The following TTN variants were observed in gnomAD, a reference collection of about 807,000 sequenced individuals.
TTN encodes the protein connectin.
A neutral mutation model predicts 3,223.0 loss-of-function variants in TTN; 1,525 were observed. The observed-to-expected ratio is 0.47, with a 90% CI of 0.45 to 0.49. TTN has a LOEUF of 0.49. Ranked by LOEUF, TTN falls within the 20% of genes least tolerant of loss-of-function variation. The pLI, the probability that TTN is intolerant of heterozygous loss-of-function variation, is 0.00. For synonymous variants in TTN, 14,094 were observed against 15,161.0 expected (o/e 0.93, Z 5.17); for missense variants, 40,786 against 43,424.0 (o/e 0.94, Z 5.40).
chr2:178,734,584 A>T lies in TTN; in HGVS notation c.15240T>A (p.Thr5080=). 1.3e-6 allele frequency: 2 copies of T among 1,574,444 alleles called. No individual in the cohort carries two copies. Among genetic ancestry groups the T allele is most frequent in the Non-Finnish European group, 1.7e-6 (2 of 1,160,522 alleles). Residue 5080 remains threonine, a synonymous_variant, in exon 52 of 363, where the codon ACT becomes ACA. Transcript: ENST00000589042. ...CTCTCACTATGTCTGCAGGCTCAAG[A>T]GTTTTGATGAAAGAAGGAGGTTCTA... ...VIKEPPSFIK[T]LEPADIVRGT...
intron 279 of TTN, 49 bp downstream of exon 279, chr2:178,605,365 G>A: frequency 6.5e-7 from 1 of 1,538,584 alleles, no homozygotes; most frequent in Non-Finnish European, 8.7e-7. Flanking sequence ...ATGGGATAAA[G>A]GCACACTGTA....
chr2:178,633,370 G>T (rs1449807354), intron 232 of TTN, 43 bp downstream of exon 232: 4 of 1,612,976 alleles, frequency 2.5e-6, no homozygotes, highest in Non-Finnish European at 3.4e-6. Context: ...CTAATAAACT[G>T]CAGATTCAGA....
At chr2:178,693,379 G>T (rs1327445777) in intron 119 of TTN, among the ~76,000 whole-genome samples, 1 of 152,042 alleles carries the variant, frequency 6.6e-6, no homozygotes, top group African/African-American at 2.4e-5. Flanking sequence ...CAGGTTACGA[G>T]ATTGCAAACT....
At position 178,712,015 on chromosome 2, in the gene TTN, C is replaced by G. The variant is rs763783812; in HGVS notation, c.27815G>C (p.Ser9272Thr). The change falls in exon 96 of 363, where the codon AGT becomes ACT. Residue 9272 changes from serine to threonine, a missense_variant. Coordinates refer to ENST00000589042, the MANE Select transcript of TTN (RefSeq NM_001267550.2). The part of the protein sequence containing the change: ...LVFNQVDIND[S>T]GEYICKAENS... ...TTCAGCTTTGCAGATATATTCTCCA[C>G]TATCATTAATATCAACCTGGTTGAA... 1.3e-5 allele frequency: 21 copies of G among 1,613,744 alleles called. No individual in the cohort carries two copies. In the South Asian group the frequency reaches 1.9e-4, roughly 14 times the overall value.
Position 178,697,413 on chromosome 2 carries a change from T to C in TTN, c.30755-245A>G, listed in dbSNP as rs6755456. Among the ~76,000 whole-genome samples the C allele has an allele frequency of 0.16, 24,080 of 152,138 alleles. 2,417 individuals carry two copies. Among genetic ancestry groups the C allele is most frequent in the East Asian group, 0.44 (2,280 of 5,168 alleles). Reference sequence around the variant, plus strand: ...GGCCAAAGTTTGATTCTAGTTTAGATTGATTTAAGATCATTTAAATTGGTT... The same window carrying C: ...GGCCAAAGTTTGATTCTAGTTTAGACTGATTTAAGATCATTTAAATTGGTT... On this transcript the variant is annotated intron_variant, in intron 112 of 362. Transcript: ENST00000589042.
chr2:178,738,285 A>G lies in TTN; in HGVS notation c.14168T>C (p.Ile4723Thr). The G allele has an allele frequency of 6.2e-7, 1 of 1,613,570 alleles. No individual in the cohort carries two copies. Among genetic ancestry groups the G allele is most frequent in the Non-Finnish European group, 8.5e-7 (1 of 1,179,706 alleles). Residue 4723 changes from isoleucine to threonine, a missense_variant, in exon 49 of 363, where the codon ATC becomes ACC. Transcript: ENST00000589042. ...GAACCGGACATTGGGAGCACTTTGGATCTCACAGGTGAATTTGGCTAGGTG... is the reference window on the plus strand; with the variant it reads ...GAACCGGACATTGGGAGCACTTTGGGTCTCACAGGTGAATTTGGCTAGGTG... ...LGHLAKFTCEIQSAPNVRFQW... is the reference protein window; with the variant it reads ...LGHLAKFTCETQSAPNVRFQW...
chr2:178,551,915 C>T lies in TTN; in HGVS notation c.90985G>A (p.Gly30329Arg), dbSNP rs1178018014. Residue 30329 changes from glycine to arginine, a missense_variant, in exon 335 of 363, where the codon GGA becomes AGA. Coordinates refer to ENST00000589042, the MANE Select transcript of TTN (RefSeq NM_001267550.2). ...GTCACATTGTATATAACTGGCTTTC[C>T]TGGGGGACCAGGAATCCTGAACTGG... ...KHQFRIPGPP[G>R]KPVIYNVTSD... 1.9e-6 allele frequency: 3 copies of T among 1,613,738 alleles called. No homozygotes were observed. The highest frequency in any genetic ancestry group is 8.5e-7 in the Non-Finnish European group (1 of 1,179,708).
chr2:178,634,772 G>C lies in TTN; in HGVS notation c.42102C>G (p.Val14034=), dbSNP rs1308362920. 6.2e-7 allele frequency: 1 copy of C among 1,613,218 alleles called. No individual in the cohort carries two copies. The highest frequency in any genetic ancestry group is 1.3e-5 in the African/African-American group (1 of 74,972). The change falls in exon 229 of 363, where the codon GTC becomes GTG. Residue 14034 remains valine (V), a synonymous_variant. Coordinates refer to ENST00000589042, the MANE Select transcript of TTN (RefSeq NM_001267550.2). This position sits in a 1 kb window ranked among gnomAD's most constrained non-coding sequence, Gnocchi z 4.6. The part of the protein sequence containing the change: ...HKVKLDQAGE[V]LYQALNAITT... The stretch of plus-strand genomic sequence containing the variant: ...TAATTGCATTAAGGGCCTGGTAGAG[G>C]ACTTCACCAGCTTGGTCCAGTTTGA...
chr2:178,606,823 T>C (rs561312826), intron 278 of TTN, among the ~76,000 whole-genome samples, 198 bp downstream of exon 278: 3 of 152,130 alleles, frequency 2.0e-5, no homozygotes, highest in South Asian at 4.1e-4. Flanking sequence ...ATTAATATAC[T>C]TACAGCCACA....
intron 148 of TTN, 36 bp from the exon 149 acceptor site, chr2:178,675,790 TCA>T: frequency 6.6e-7 from 1 of 1,514,552 alleles, no homozygotes; most frequent in Non-Finnish European, 8.9e-7. Context: ...AAGTTCAGTT[TCA>T]CACACACAAA....
rs370535651 is a variant in TTN at position 178,733,836 on chromosome 2, C to T, written c.15553G>A (p.Val5185Ile). 65 of 1,613,262 alleles carry T rather than the reference C, an allele frequency of 4.0e-5. No homozygotes were observed. The highest frequency in any genetic ancestry group is 3.5e-4 in the African/African-American group (26 of 74,900). Residue 5185 changes from valine (V) to isoleucine (I), a missense_variant, in exon 53 of 363, where the codon GTT becomes ATT. Val to Ile is a conservative substitution (Grantham distance 29). Coordinates refer to ENST00000589042, the MANE Select transcript of TTN (RefSeq NM_001267550.2). ...CCTCTCACAGCAGCTTGCAGGGTAA[C>T]GGTTTGTCCTCCTAGTGCAATCAAA... ...DDLIALGGQT[V>I]TLQAAVRGSE... is the part of the protein sequence containing the mutation.
At position 178,614,326 on chromosome 2, in the gene TTN, G is replaced by A; in HGVS notation, c.49071C>T (p.Ala16357=). The change falls in exon 262 of 363, where the codon GCC becomes GCT. Residue 16357 remains alanine, a synonymous_variant. Transcript: ENST00000589042. The part of the protein sequence containing the change: ...NVLDKPGPPA[A]FDITDVTNES... ...CATTGGTTACATCTGTGATGTCAAA[G>A]GCAGCTGGTGGTCCGGGTTTATCTG... 1 of 1,612,600 alleles carries A rather than the reference G, an allele frequency of 6.2e-7. No individual in the cohort carries two copies. Among genetic ancestry groups the A allele is most frequent in the African/African-American group, 1.3e-5 (1 of 74,932 alleles).
At position 178,639,729 on chromosome 2, in the gene TTN, C is replaced by A. The variant is rs901987987; in HGVS notation, c.40846G>T (p.Val13616Leu). ...EPEPTPIAAP[V>L]TVPVVGKKAE... ...TTCTTTCCAACCACTGGCACTGTTA[C>A]TGGGGCAGCGATGGGGGTTGGTTCA... is the stretch of plus-strand genomic sequence containing the variant. The change falls in exon 223 of 363, where the codon GTA becomes TTA. Residue 13616 changes from valine to leucine, a missense_variant. By Grantham distance (32) the Val-to-Leu change is conservative. Coordinates refer to ENST00000589042, the MANE Select transcript of TTN (RefSeq NM_001267550.2). 6.2e-7 allele frequency: 1 copy of A among 1,611,608 alleles called. No individual in the cohort carries two copies. Among genetic ancestry groups the A allele is most frequent in the Non-Finnish European group, 8.5e-7 (1 of 1,178,618 alleles).
chr2:178,801,656 G>A (rs1185212517), intron 3 of TTN, among the ~76,000 whole-genome samples: 1 of 152,174 alleles, frequency 6.6e-6, no homozygotes, highest in Non-Finnish European at 1.5e-5. Context: ...GGGAAACAGT[G>A]TCATGCATTT....
Position 178,734,455 on chromosome 2 carries a change from C to G in TTN, c.15369G>C (p.Leu5123Phe), listed in dbSNP as rs374506047. 2 of 1,613,666 alleles carry G rather than the reference C, an allele frequency of 1.2e-6. No homozygotes were observed. Among genetic ancestry groups the G allele is most frequent in the Non-Finnish European group, 1.7e-6 (2 of 1,179,716 alleles). ...KQIRSSKKYRLFSQKSLVCLE... is the reference protein window; with the variant it reads ...KQIRSSKKYRFFSQKSLVCLE... ...GACACACAAGAGACTTCTGAGAAAA[C>G]AATCTGTATTTTTTACTACTTCGAA... is the stretch of plus-strand genomic sequence containing the variant. Residue 5123 changes from leucine (L) to phenylalanine (F), a missense_variant, in exon 52 of 363, where the codon TTG (leucine) becomes TTC (phenylalanine). Coordinates refer to ENST00000589042, the MANE Select transcript of TTN (RefSeq NM_001267550.2).
Position 178,799,405 on chromosome 2 carries a change from C to T in TTN, c.914+82G>A, listed in dbSNP as rs1353483938. ...ACCACTCTCCGCGTCGCATGCCCTG[C>T]GAGGGGGACAAGGGAATCTTTCTCG... On this transcript the variant is annotated intron_variant, in intron 6 of 362. Transcript: ENST00000589042. 4 of 1,605,684 alleles carry T rather than the reference C, an allele frequency of 2.5e-6. No homozygotes were observed. In the South Asian group the frequency reaches 3.3e-5, roughly 13 times the overall value.
chr2:178,783,931 T>C, intron 16 of TTN, 139 bp downstream of exon 16: 2 of 1,370,850 alleles, frequency 1.5e-6, no homozygotes, highest in Non-Finnish European at 1.0e-6. Flanking sequence ...ACCCATACTA[T>C]GCTCCATAAA....
rs746056036 is a variant in TTN, at chr2:178,591,719, C to G, written c.60100G>C (p.Glu20034Gln). Residue 20034 changes from glutamate (E) to glutamine (Q), a missense_variant, in exon 303 of 363, where the codon GAG becomes CAG. By Grantham distance (29) the Glu-to-Gln change is conservative. Coordinates refer to ENST00000589042, the MANE Select transcript of TTN (RefSeq NM_001267550.2). The part of the protein sequence containing the change: ...WIKFKTVTNL[E>Q]CVVTGLQQGK... ...TGTTGTAGTCCAGTAACCACACACT[C>G]TAAGTTTGTCACAGTCTTAAATTTA... 5.6e-6 allele frequency: 9 copies of G among 1,613,356 alleles called. No individual in the cohort carries two copies. The East Asian group carries it at 2.0e-4, about 36-fold the overall frequency.
chr2:178,701,230 CAT>C, intron 110 of TTN, 27 bp from the exon 111 acceptor site: 2 of 1,585,624 alleles, frequency 1.3e-6, no homozygotes, highest in East Asian at 2.2e-5. Flanking sequence ...CCGTTAGTAA[CAT>C]GTTTTAGTTT....
Sources: gnomAD v4.1 joint callset for allele counts (sites outside exome capture counted in the v4.1 genomes callset) on GRCh38, gnomAD v4.1.1 for gene constraint, Gnocchi (gnomAD v3.1) non-coding constraint, MANE v1.5 for transcripts, NCBI Gene and HGNC (gene_info 2026-07-23, HGNC 2026-07-21) for gene names.